RP1: variants seen among roughly 807,000 people sequenced by gnomAD.
The protein encoded by RP1 is RP1 axonemal microtubule associated.
A neutral mutation model predicts 14.8 loss-of-function variants in RP1; 16 were observed. The ratio of observed to expected loss-of-function variants is 1.08; its 90% CI spans 0.73 to 1.65. The LOEUF is 1.65. Ranked by LOEUF, RP1 falls within the 40% of genes most tolerant of loss-of-function variation. The probability of loss-of-function intolerance (pLI) is 0.00; values close to 1 mark genes in which losing one functional copy is unlikely to be tolerated. For missense variants in RP1, 2,631 were observed against 2,535.0 expected (o/e 1.04, Z -0.81); for synonymous variants, 876 against 883.6 (o/e 0.99, Z 0.15).
At chr8:54,805,036 T>C (rs535029547) in intron 24 of RP1, among the ~76,000 whole-genome samples, 18 of 152,294 alleles carry the variant, frequency 1.2e-4, no homozygotes, top group African/African-American at 4.3e-4. Flanking sequence ...GCTGCCCATA[T>C]TATTCTGACT....
chr8:54,776,938 C>T (rs752030431), intron 23 of RP1, among the ~76,000 whole-genome samples: 12 of 152,136 alleles, frequency 7.9e-5, no homozygotes, highest in South Asian at 2.1e-4. Context: ...CTCTCACATG[C>T]GGGTGTTGAG....
chr8:54,642,116 CT>C lies in RP1; in HGVS notation c.788-6868del, dbSNP rs1462131907. 2.6e-5 allele frequency among the ~76,000 whole-genome samples: 4 copies of C among 152,228 alleles called. No homozygotes were observed. In the East Asian group the frequency reaches 7.7e-4, roughly 29 times the overall value. The stretch of plus-strand genomic sequence containing the variant: ...AAGATTTTTCTAGCCTGTGAATACT[CT>C]ACTGGGAAGAACAGTTTACATATGA... On this transcript the variant is annotated intron_variant, in intron 3 of 22. Transcript: ENST00000636932.
chr8:54,864,236 C>A (rs943336960), intron 27 of RP1, among the ~76,000 whole-genome samples: 1 of 152,070 alleles, frequency 6.6e-6, no homozygotes, highest in African/African-American at 2.4e-5. Context: ...TCGATAAAAA[C>A]TTCACTTAAA....
At chr8:54,703,484 G>A (rs931886689) in intron 14 of RP1, among the ~76,000 whole-genome samples, 5 of 152,156 alleles carry the variant, frequency 3.3e-5, no homozygotes, top group African/African-American at 1.2e-4. Context: ...TAGATATGCT[G>A]TCCTTCAGGC....
At chr8:54,759,021 C>A in exon 22 of RP1, 1 of 1,535,700 alleles carries the variant, frequency 6.5e-7, no homozygotes, top group Non-Finnish European at 8.7e-7. Context: ...GTACTGTGAA[C>A]AAGTCATAGT....
At chr8:54,664,318 C>T (rs570414163) in intron 7 of RP1, among the ~76,000 whole-genome samples, 2 of 152,264 alleles carry the variant, frequency 1.3e-5, no homozygotes, top group Admixed American at 1.3e-4. Flanking sequence ...TGGGTTGCCT[C>T]CACCTCTTGG....
At chr8:54,683,114 T>C (rs1585603472) in intron 12 of RP1, among the ~76,000 whole-genome samples, 1 of 152,176 alleles carries the variant, frequency 6.6e-6, no homozygotes, top group Admixed American at 6.5e-5. Context: ...GCTGTAGATA[T>C]GTGGCATTAT....
At position 54,629,437 on chromosome 8, in the gene RP1, C is replaced by T. The variant is rs1349259244; in HGVS notation, c.5555C>T (p.Thr1852Ile). The T allele has an allele frequency of 1.8e-5, 29 of 1,614,128 alleles. No homozygotes were observed. The highest frequency in any genetic ancestry group is 2.5e-5 in the Non-Finnish European group (29 of 1,179,996). Reference protein sequence around the residue: ...CAKERIANHHTEEKGSHQSER... With the variant: ...CAKERIANHHIEEKGSHQSER... ...AAGGAAAGAATAGCAAATCATCATA[C>T]AGAGGAGAAGGGTAGTCATCAGTCA... The change falls in exon 4 of 4, where the codon ACA becomes ATA. Residue 1852 changes from threonine (T) to isoleucine (I), a missense_variant. Transcript: ENST00000220676.
intron 19 of RP1, among the ~76,000 whole-genome samples, chr8:54,752,532 A>C (rs1809400318): frequency 6.6e-6 from 1 of 152,204 alleles, no homozygotes; most frequent in South Asian, 2.1e-4. Context: ...TTTATTTGAC[A>C]ATCATTTGTA....
At position 54,701,863 on chromosome 8, in the gene RP1, G is replaced by C. The variant is rs17403732; in HGVS notation, c.1998+201G>C. Among the ~76,000 whole-genome samples, 147 of 152,172 alleles carry C rather than the reference G, an allele frequency of 9.7e-4. 1 individual carries two copies. The highest frequency in any genetic ancestry group is 1.9e-3 in the South Asian group (9 of 4,812). ...GCTTTAGTAGCAATGACACTCTGAG[G>C]GGATTAATATCCTGTATGTAATTGA... On this transcript the variant is annotated intron_variant, in intron 14 of 22. Coordinates refer to the RP1 transcript ENST00000636932.
At chr8:54,860,075 AT>A (rs1384976916) in intron 27 of RP1, among the ~76,000 whole-genome samples, 1 of 152,294 alleles carries the variant, frequency 6.6e-6, no homozygotes, top group African/African-American at 2.4e-5. Context: ...AGAATTAGGC[AT>A]TTATTTGAAG....
chr8:54,671,028 C>T (rs1326374922), intron 7 of RP1, among the ~76,000 whole-genome samples: 1 of 151,776 alleles, frequency 6.6e-6, no homozygotes, highest in Non-Finnish European at 1.5e-5. Context: ...TATTGTAGGT[C>T]TAGTGGTAAT....
At chr8:54,735,924 A>G (rs1189534846) in intron 18 of RP1, among the ~76,000 whole-genome samples, 3 of 152,094 alleles carry the variant, frequency 2.0e-5, no homozygotes, top group African/African-American at 7.2e-5. Context: ...CTTGGAATGG[A>G]TGGTATAGAT....
At chr8:54,616,272 AT>A (rs1805712659) in intron 1 of RP1, 70 bp downstream of exon 1, 1 of 152,164 alleles carries the variant, frequency 6.6e-6, no homozygotes, top group Non-Finnish European at 1.5e-5. Flanking sequence ...TTTGTTTTCC[AT>A]GTTATACTTA....
chr8:54,856,443 T>G (rs1395180600), intron 26 of RP1, among the ~76,000 whole-genome samples: 1 of 152,204 alleles, frequency 6.6e-6, no homozygotes, highest in South Asian at 2.1e-4. Flanking sequence ...TGTATGTATA[T>G]GTATGTACAT....
At chr8:54,825,577 A>G (rs770345213) in intron 24 of RP1, among the ~76,000 whole-genome samples, 2 of 151,936 alleles carry the variant, frequency 1.3e-5, no homozygotes, top group Non-Finnish European at 2.9e-5. Context: ...ATGACAGACA[A>G]CTCTTACCTG....
In RP1 at chr8:54,736,561, A is replaced by G. The variant is rs560131840; in HGVS notation, c.2721+1817A>G. ...CTGGTAGATGGGAAGTGCTCTACAG[A>G]TGACAGATTACAGGCACCAAGGACT... On this transcript the variant is annotated intron_variant, in intron 18 of 22. Coordinates refer to the RP1 transcript ENST00000636932. 2.0e-5 allele frequency among the ~76,000 whole-genome samples: 3 copies of G among 152,286 alleles called. No homozygotes were observed. The East Asian group carries it at 5.8e-4, about 29-fold the overall frequency.
upstream of RP1, among the ~76,000 whole-genome samples, chr8:54,614,556 T>C (rs1805669721): frequency 1.3e-5 from 2 of 152,190 alleles, no homozygotes; most frequent in Non-Finnish European, 2.9e-5. Context: ...CACACTGATA[T>C]GTGCCAGAGA....
At chr8:54,745,058 G>C (rs1301130696) in intron 19 of RP1, among the ~76,000 whole-genome samples, 3 of 152,190 alleles carry the variant, frequency 2.0e-5, no homozygotes. Context: ...AGTATTACTA[G>C]AAGACTTAAT....
Sources: allele counts gnomAD v4.1 joint callset (sites outside exome capture counted in the v4.1 genomes callset), GRCh38; gene constraint gnomAD v4.1.1; transcripts MANE v1.5; gene names NCBI Gene and HGNC (gene_info 2026-07-23, HGNC 2026-07-21).